ADGRL3: variants seen among roughly 807,000 people sequenced by gnomAD.
ADGRL3 encodes adhesion G protein-coupled receptor L3.
A neutral mutation model predicts 153.5 loss-of-function variants in ADGRL3; 62 were observed. The ratio of observed to expected loss-of-function variants is 0.40; its 90% CI spans 0.33 to 0.50. The LOEUF (loss-of-function observed/expected upper bound fraction) is 0.50. ADGRL3 is among the 20% of genes least tolerant of loss of function. The pLI, the probability that ADGRL3 is intolerant of heterozygous loss-of-function variation, is 0.47. For missense variants in ADGRL3, 1,641 were observed against 1,859.4 expected, an observed-to-expected ratio of 0.88 and a Z score of 2.16; for synonymous variants, 710 against 672.5, an observed-to-expected ratio of 1.06 and a Z score of -0.86.
chr4:61,684,700 TG>T (rs974332777), intron 6 of ADGRL3, among the ~76,000 whole-genome samples: 3 of 152,070 alleles, frequency 2.0e-5, no homozygotes, highest in Non-Finnish European at 4.4e-5. Flanking sequence ...TGCATTCCTT[TG>T]GGCAACAACA....
At position 61,983,537 on chromosome 4, in the gene ADGRL3, G is replaced by T. The variant is rs1211112993; in HGVS notation, c.3170G>T (p.Gly1057Val). The change falls in exon 19 of 27, where the codon GGG (glycine) becomes GTG (valine). Residue 1057 changes from glycine (G) to valine (V), a missense_variant. Coordinates refer to ENST00000683033, the MANE Select transcript of ADGRL3 (RefSeq NM_001387552.1). ...AAATACTTTTATCTGGTCGGCTATG[G>T]GATGCCTGCACTCATTGTGGCTGTG... Reference protein sequence around the residue: ...RRKYFYLVGYGMPALIVAVSA... With the variant: ...RRKYFYLVGYVMPALIVAVSA... 6.2e-7 allele frequency: 1 copy of T among 1,613,812 alleles called. No homozygotes were observed. Among genetic ancestry groups the T allele is most frequent in the Non-Finnish European group, 8.5e-7 (1 of 1,179,866 alleles).
intron 9 of ADGRL3, among the ~76,000 whole-genome samples, chr4:61,867,778 G>A (rs1014842829): frequency 7.3e-5 from 11 of 151,608 alleles, no homozygotes; most frequent in Non-Finnish European, 1.5e-4. Context: ...ATAATCTAGA[G>A]GCCACTTAAG....
chr4:61,851,482 G>A (rs905666400), intron 9 of ADGRL3, among the ~76,000 whole-genome samples: 3 of 150,114 alleles, frequency 2.0e-5, no homozygotes, highest in Non-Finnish European at 3.0e-5. Context: ...CCAGCTACTT[G>A]AGAAGCTGAG....
Position 61,486,332 on chromosome 4 carries a change from T to C in ADGRL3, c.-173-10789T>C, listed in dbSNP as rs774070131. On this transcript the variant is annotated intron_variant, in intron 2 of 26. Transcript: ENST00000683033. ...TCACAGGATAAGGATGATACTGATT[T>C]TATATTTAAATCAAATCCTGGAATT... Among the ~76,000 whole-genome samples, 235 of 152,278 alleles carry C rather than the reference T, an allele frequency of 1.5e-3. 3 individuals carry two copies. The highest frequency in any genetic ancestry group is 3.3e-3 in the Admixed American group (50 of 15,300).
At chr4:61,927,013 G>C (rs1424227405) in intron 13 of ADGRL3, among the ~76,000 whole-genome samples, 4 of 152,116 alleles carry the variant, frequency 2.6e-5, no homozygotes, top group Admixed American at 2.0e-4. Context: ...ACTTCATGGA[G>C]CTTTTCCAAT....
At chr4:61,871,216 T>A (rs2098443349) in intron 9 of ADGRL3, among the ~76,000 whole-genome samples, 1 of 151,370 alleles carries the variant, frequency 6.6e-6, no homozygotes, top group South Asian at 2.1e-4. Flanking sequence ...AGGCGGAGCT[T>A]GCAGTGAGCA....
chr4:62,069,986 T>C, intron 26 of ADGRL3, 123 bp from the exon 27 acceptor site: 1 of 768,984 alleles, frequency 1.3e-6, no homozygotes, highest in Non-Finnish European at 2.1e-6. Flanking sequence ...CATTTTATAC[T>C]TAAGTAAATG....
chr4:61,674,163 TAGA>T (rs2095106509), intron 5 of ADGRL3, among the ~76,000 whole-genome samples: 1 of 149,380 alleles, frequency 6.7e-6, no homozygotes, highest in Admixed American at 6.7e-5. Context: ...GATAGATAGA[TAGA>T]TAGATAGATA....
intron 1 of ADGRL3, among the ~76,000 whole-genome samples, chr4:61,235,909 T>C (rs1410155046): frequency 3.3e-5 from 5 of 152,120 alleles, no homozygotes; most frequent in Non-Finnish European, 1.5e-5. Context: ...ATTCCATTTA[T>C]GTATATCAGC....
At chr4:61,906,178 A>G (rs1312141482) in intron 11 of ADGRL3, 5 of 151,894 alleles carry the variant, frequency 3.3e-5, no homozygotes, top group African/African-American at 1.2e-4. Flanking sequence ...ATAGCATGCA[A>G]ATATTTATTA....
At chr4:61,791,395 C>G (rs2097340057) in intron 8 of ADGRL3, among the ~76,000 whole-genome samples, 1 of 152,236 alleles carries the variant, frequency 6.6e-6, no homozygotes, top group Non-Finnish European at 1.5e-5. Flanking sequence ...TCTCCTTTGA[C>G]TCCATGTCTC....
intron 17 of ADGRL3, among the ~76,000 whole-genome samples, chr4:61,971,201 C>T: frequency 6.6e-6 from 1 of 151,540 alleles, no homozygotes; most frequent in East Asian, 1.9e-4. Flanking sequence ...TACATGTGCA[C>T]AATGTGCAGG....
chr4:61,804,432 C>A (rs1437254473), intron 8 of ADGRL3, among the ~76,000 whole-genome samples: 2 of 152,104 alleles, frequency 1.3e-5, no homozygotes, highest in African/African-American at 4.8e-5. Flanking sequence ...TGTCTCTTTT[C>A]TTTATAAGAA....
chr4:61,482,824 C>T (rs1471231433), intron 2 of ADGRL3, among the ~76,000 whole-genome samples: 1 of 152,114 alleles, frequency 6.6e-6, no homozygotes, highest in Admixed American at 6.6e-5. Flanking sequence ...TGCTATTTTG[C>T]AAGTTTTCTG....
intron 2 of ADGRL3, among the ~76,000 whole-genome samples, chr4:61,485,072 C>A (rs995828082): frequency 6.6e-6 from 1 of 152,168 alleles, no homozygotes. Flanking sequence ...TCTCCCTTGG[C>A]AGTAATTGTC....
intron 2 of ADGRL3, among the ~76,000 whole-genome samples, chr4:61,468,551 C>T (rs763452829): frequency 3.3e-5 from 5 of 152,064 alleles, no homozygotes; most frequent in African/African-American, 7.2e-5. Context: ...TAACCTCAAA[C>T]GAGTTAAAAA....
At chr4:61,393,502 TTTA>T (rs2096836582) in intron 2 of ADGRL3, among the ~76,000 whole-genome samples, 2 of 152,118 alleles carry the variant, frequency 1.3e-5, no homozygotes, top group African/African-American at 4.8e-5. Context: ...ATAATGAGAT[TTTA>T]TTGAGAATTA....
chr4:61,627,382 G>A (rs1195239967), intron 5 of ADGRL3, among the ~76,000 whole-genome samples: 1 of 152,160 alleles, frequency 6.6e-6, no homozygotes, highest in African/African-American at 2.4e-5. Flanking sequence ...GGGAGGCAGA[G>A]GTGGGCGGAT....
intron 8 of ADGRL3, chr4:61,775,428 G>GTA (rs1193441838): frequency 7.3e-6 from 5 of 686,970 alleles, no homozygotes; most frequent in Middle Eastern, 8.4e-4. Flanking sequence ...GTGTGTGTGT[G>GTA]TGTGCCAAAG....
Sources: allele counts gnomAD v4.1 joint callset (sites outside exome capture counted in the v4.1 genomes callset), GRCh38; gene constraint gnomAD v4.1.1; transcripts MANE v1.5; gene names NCBI Gene and HGNC (gene_info 2026-07-23, HGNC 2026-07-21).